LAMA2: variants seen among roughly 807,000 people sequenced by gnomAD.
LAMA2 encodes the protein laminin subunit alpha 2, also known as laminin subunit alpha-2.
LAMA2 carries 269 observed loss-of-function variants against 364.8 expected under a neutral mutation model. The observed-to-expected ratio is 0.74, with a 90% CI of 0.67 to 0.82. LAMA2 has a LOEUF of 0.82. Ranked by LOEUF, LAMA2 falls within the 40% of genes least tolerant of loss-of-function variation. The pLI is 0.00. For synonymous variants in LAMA2, 1,379 were observed against 1,370.6 expected (o/e 1.01, Z -0.14); for missense variants, 3,807 against 3,873.2 (o/e 0.98, Z 0.45).
intron 21 of LAMA2, among the ~76,000 whole-genome samples, chr6:129,298,563 C>A (rs1385757096): frequency 6.6e-6 from 1 of 152,172 alleles, no homozygotes; most frequent in Non-Finnish European, 1.5e-5. Flanking sequence ...TAATTTCGAA[C>A]TGACCCTTAT....
intron 29 of LAMA2, among the ~76,000 whole-genome samples, chr6:129,339,909 A>G (rs1776162851): frequency 6.6e-6 from 1 of 151,956 alleles, no homozygotes; most frequent in Non-Finnish European, 1.5e-5. Context: ...AGGCTGAGGC[A>G]GGAGAATCGC....
In LAMA2 at chr6:128,986,934, C is replaced by T. The variant is rs549494238; in HGVS notation, c.113-62984C>T. Among the ~76,000 whole-genome samples, 17 of 152,054 alleles carry T rather than the reference C, an allele frequency of 1.1e-4. No homozygotes were observed. The South Asian group carries it at 1.2e-3, about 11-fold the overall frequency. On this transcript the variant is annotated intron_variant, in intron 1 of 64. Transcript: ENST00000421865. ...CTAGATCCATTCATCCTGTTTTCTT[C>T]CTCACTAATGTGTAACCATTTTATT...
chr6:129,067,693 T>C (rs984151325), intron 3 of LAMA2, among the ~76,000 whole-genome samples: 3 of 152,188 alleles, frequency 2.0e-5, no homozygotes, highest in African/African-American at 7.2e-5. Context: ...TTTTCATCTC[T>C]GGCCTCATCT....
intron 3 of LAMA2, among the ~76,000 whole-genome samples, chr6:129,076,974 A>G (rs1218918763): frequency 6.6e-6 from 1 of 152,126 alleles, no homozygotes; most frequent in Non-Finnish European, 1.5e-5. Context: ...GCACTGGGTC[A>G]TTATGATTAT....
At chr6:129,410,293 A>G (rs1309226890) in intron 40 of LAMA2, among the ~76,000 whole-genome samples, 2 of 151,654 alleles carry the variant, frequency 1.3e-5, no homozygotes. Flanking sequence ...TAGAAAATTT[A>G]GGCAGTCCTC....
At chr6:129,163,505 G>C (rs551196665) in intron 8 of LAMA2, among the ~76,000 whole-genome samples, 1 of 152,058 alleles carries the variant, frequency 6.6e-6, no homozygotes. Flanking sequence ...ATGGTGGCAG[G>C]CACCTGTAAT....
At chr6:128,966,775 T>A (rs1781870261) in intron 1 of LAMA2, among the ~76,000 whole-genome samples, 1 of 152,188 alleles carries the variant, frequency 6.6e-6, no homozygotes, top group African/African-American at 2.4e-5. Context: ...ATCAAATGGT[T>A]AATTCTTTAT....
intron 1 of LAMA2, among the ~76,000 whole-genome samples, chr6:129,030,797 G>T (rs1303911827): frequency 6.6e-6 from 1 of 151,932 alleles, no homozygotes; most frequent in South Asian, 2.1e-4. Flanking sequence ...AAAATTTGAG[G>T]TCATTTATTA....
At position 129,297,829 on chromosome 6, in the gene LAMA2, C is replaced by A. The variant is rs1255753553; in HGVS notation, c.3001C>A (p.His1001Asn). Residue 1001 changes from histidine (H) to asparagine (N), a missense_variant, in exon 21 of 65, where the codon CAC (histidine) becomes AAC (asparagine). Transcript: ENST00000421865. ...VTGKKCDRCA[H>N]GYFNFQEGGC... ...AGGGAAGAAATGTGACCGCTGTGCC[C>A]ACGGCTATTTCAACTTCCAAGAAGG... 3 of 1,613,742 alleles carry A rather than the reference C, an allele frequency of 1.9e-6. No homozygotes were observed. In the African/African-American group the frequency reaches 4.0e-5, roughly 22 times the overall value.
chr6:129,475,825 A>G (rs1784042066), intron 53 of LAMA2, among the ~76,000 whole-genome samples: 1 of 152,106 alleles, frequency 6.6e-6, no homozygotes, highest in Non-Finnish European at 1.5e-5. Flanking sequence ...CTGAAGAATC[A>G]AACTGTGCTC....
chr6:129,314,514 G>A, intron 23 of LAMA2, 141 bp from the exon 24 acceptor site: 1 of 718,216 alleles, frequency 1.4e-6, no homozygotes, highest in Non-Finnish European at 2.5e-6. Flanking sequence ...TGTGCCATTT[G>A]AGATGTGAGT....
intron 1 of LAMA2, among the ~76,000 whole-genome samples, chr6:128,928,609 G>A (rs868304954): frequency 6.6e-6 from 1 of 152,132 alleles, no homozygotes; most frequent in Non-Finnish European, 1.5e-5. Flanking sequence ...ATTCCTATTG[G>A]GGCTGTGCCA....
chr6:129,505,228 G>T lies in LAMA2; in HGVS notation c.8576G>T (p.Gly2859Val). ...AAGATAATGAGAAGTAAGCAAGAAGGAATTCTTTATGTAGATGGGGCTTCC... is the reference window on the plus strand; with the variant it reads ...AAGATAATGAGAAGTAAGCAAGAAGTAATTCTTTATGTAGATGGGGCTTCC... ...KIKIMRSKQE[G>V]ILYVDGASNR... Residue 2859 changes from glycine to valine, a missense_variant, in exon 61 of 65, where the codon GGA becomes GTA. Gly to Val is a moderately radical substitution (Grantham distance 109, BLOSUM62 -3). Around this residue, in one of 3 missense-constraint regions of LAMA2, gnomAD observed 3,333 missense variants for 3,345.7 expected, o/e 1.00. Coordinates refer to ENST00000421865, the MANE Select transcript of LAMA2 (RefSeq NM_000426.4). 3 of 1,613,862 alleles carry T rather than the reference G, an allele frequency of 1.9e-6. No individual in the cohort carries two copies. The highest frequency in any genetic ancestry group is 1.6e-4 in the Middle Eastern group (1 of 6,062).
intron 4 of LAMA2, among the ~76,000 whole-genome samples, chr6:129,107,185 A>G (rs960734460): frequency 2.6e-5 from 4 of 152,212 alleles, no homozygotes; most frequent in African/African-American, 9.6e-5. Flanking sequence ...CCAAGGATTA[A>G]CAATAGGGTT....
In LAMA2 at chr6:129,427,264, C is replaced by T. The variant is rs1045311122; in HGVS notation, c.5866-488C>T. Among the ~76,000 whole-genome samples, 30 of 152,262 alleles carry T rather than the reference C, an allele frequency of 2.0e-4. No homozygotes were observed. In the Middle Eastern group the frequency reaches 0.01, roughly 52 times the overall value. ...TTCTCATTTCAGCACTTGGGAGATA[C>T]AGGAAATGCTCCCCTCTCAGTCCAC... On this transcript the variant is annotated intron_variant, in intron 40 of 64. Transcript: ENST00000421865.
intron 20 of LAMA2, among the ~76,000 whole-genome samples, chr6:129,294,587 A>G (rs1789953651): frequency 6.6e-6 from 1 of 152,158 alleles, no homozygotes; most frequent in South Asian, 2.1e-4. Context: ...CCTCCTGTCT[A>G]TACCACCACC....
At chr6:129,130,310 T>C (rs1261842377) in intron 4 of LAMA2, among the ~76,000 whole-genome samples, 1 of 152,266 alleles carries the variant, frequency 6.6e-6, no homozygotes, top group African/African-American at 2.4e-5. Flanking sequence ...CATTGTGGTC[T>C]CTGGCCCTAG....
chr6:129,259,024 G>A lies in LAMA2; in HGVS notation c.2097-1687G>A, dbSNP rs372236926. Among the ~76,000 whole-genome samples the A allele has an allele frequency of 6.6e-5, 10 of 152,224 alleles. No homozygotes were observed. The South Asian group carries it at 1.9e-3, about 28-fold the overall frequency. On this transcript the variant is annotated intron_variant, in intron 14 of 64. Transcript: ENST00000421865. ...TTTAGAGGGTGCCATCTGGCACTCA[G>A]CAGCCAGGATGATTCCATCCAACTG...
chr6:129,401,133 T>C, intron 37 of LAMA2, 91 bp from the exon 38 acceptor site: 1 of 868,310 alleles, frequency 1.2e-6, no homozygotes, highest in South Asian at 1.3e-5. Context: ...TTTGCTAAGC[T>C]TTTATTCAAA....
Sources: allele counts gnomAD v4.1 joint callset (sites outside exome capture counted in the v4.1 genomes callset), GRCh38; gene constraint gnomAD v4.1.1; regional missense constraint gnomAD v4.1.1; transcripts MANE v1.5; gene names NCBI Gene and HGNC (gene_info 2026-07-23, HGNC 2026-07-21).